The following FBXO7 variants were observed in gnomAD, a reference collection of about 807,000 sequenced individuals.
FBXO7 encodes the protein F-box only protein 7.
A neutral mutation model predicts 50.2 loss-of-function variants in FBXO7; 31 were observed. The ratio of observed to expected loss-of-function variants is 0.62; its 90% confidence interval spans 0.46 to 0.83. The LOEUF (loss-of-function observed/expected upper bound fraction) is 0.83, where lower values mean the gene tolerates loss of function less well. Among genes scored for constraint, FBXO7 ranks in the 40% least tolerant of loss-of-function variants. The pLI, the probability that FBXO7 is intolerant of heterozygous loss-of-function variation, is 0.00. For synonymous variants in FBXO7, 256 were observed against 253.1 expected, an observed-to-expected ratio of 1.01 and a Z score of -0.11; for missense variants, 667 against 646.6, an observed-to-expected ratio of 1.03 and a Z score of -0.34.
rs1235622407 is a variant in FBXO7, at chr22:32,491,190, T to C, written c.967+9T>C. Reference sequence around the variant, plus strand: ...GGCTTTTACCCGACAAGGTAAGAGATGAAATACTGTCACAATTTAAATGAC... The same window carrying C: ...GGCTTTTACCCGACAAGGTAAGAGACGAAATACTGTCACAATTTAAATGAC... On this transcript the variant is annotated intron_variant, in intron 6 of 8. Transcript: ENST00000266087. 6.5e-7 allele frequency: 1 copy of C among 1,530,160 alleles called. No individual in the cohort carries two copies. The highest frequency in any genetic ancestry group is 1.4e-5 in the African/African-American group (1 of 73,316). The allele number at this position is 1,530,160 out of a possible 1,614,324, so 94.8% of individuals were successfully genotyped here.
chr22:32,487,595 A>G (rs1250815803), intron 4 of FBXO7, 150 bp from the exon 5 acceptor site: 10 of 617,792 alleles, frequency 1.6e-5, no homozygotes, highest in East Asian at 8.6e-5. Flanking sequence ...TGAACTTGCT[A>G]TCAGAGAAAG....
chr22:32,484,123 A>AG lies in FBXO7; in HGVS notation c.645+1dup. ...ATGTTGGAGTCAGGTTACATACCTC[A>AG]GGTAAGTACTGCAAGCAAAACACAG... On this transcript the variant is annotated frameshift_variant and splice_region_variant, in exon 3 of 9. Transcript: ENST00000266087. LOFTEE classifies it high-confidence loss of function. 3 of 1,612,300 alleles carry AG rather than the reference A, an allele frequency of 1.9e-6. No homozygotes were observed. The highest frequency in any genetic ancestry group is 2.5e-6 in the Non-Finnish European group (3 of 1,178,278).
In FBXO7 at chr22:32,474,936, G is replaced by A. The variant is rs901157760; in HGVS notation, c.-67G>A. The stretch of plus-strand genomic sequence containing the variant: ...GTCGTCGCCGTTTGGGGCGGGAGCT[G>A]CTCGGCCCCGCCGCCGTCCCCGTCG... On this transcript the variant is annotated 5_prime_UTR_variant, in exon 1 of 9. Transcript: ENST00000266087. The A allele has an allele frequency of 2.5e-5, 36 of 1,454,420 alleles. No individual in the cohort carries two copies. The highest frequency in any genetic ancestry group is 3.0e-5 in the Non-Finnish European group (33 of 1,096,596). The allele number at this position is 1,454,420 out of a possible 1,614,324, so 90.1% of individuals were successfully genotyped here.
chr22:32,475,617 A>G, intron 1 of FBXO7: 1 of 570,724 alleles, frequency 1.8e-6, no homozygotes, highest in Non-Finnish European at 2.9e-6. Context: ...CCTCAATCCG[A>G]GGCCACCGGT....
At chr22:32,494,097 A>C (rs1323781302) in intron 7 of FBXO7, among the ~76,000 whole-genome samples, 1 of 126,040 alleles carries the variant, frequency 7.9e-6, no homozygotes, top group African/African-American at 3.0e-5. Flanking sequence ...TGGTGGGTAG[A>C]TAGCTCCCTT....
chr22:32,482,018 C>G (rs1327949305), intron 2 of FBXO7, among the ~76,000 whole-genome samples: 1 of 152,082 alleles, frequency 6.6e-6, no homozygotes, highest in African/African-American at 2.4e-5. Flanking sequence ...ATCTCCCTCT[C>G]ATGTACTCAG....
chr22:32,484,120 C>T lies in FBXO7; in HGVS notation c.641C>T (p.Pro214Leu). 1 of 1,612,950 alleles carries T rather than the reference C, an allele frequency of 6.2e-7. No homozygotes were observed. The highest frequency in any genetic ancestry group is 8.5e-7 in the Non-Finnish European group (1 of 1,178,920). Residue 214 changes from proline (P) to leucine (L), a missense_variant, in exon 3 of 9, where the codon CCT (proline) becomes CTT (leucine). Coordinates refer to ENST00000266087, the MANE Select transcript of FBXO7 (RefSeq NM_012179.4). Reference sequence around the variant, plus strand: ...CTCATGTTGGAGTCAGGTTACATACCTCAGGTAAGTACTGCAAGCAAAACA... The same window carrying T: ...CTCATGTTGGAGTCAGGTTACATACTTCAGGTAAGTACTGCAAGCAAAACA... ...HLLMLESGYI[P>L]QGTEAKALSM...
chr22:32,496,701 A>T (rs2057577335), intron 8 of FBXO7, among the ~76,000 whole-genome samples: 1 of 152,224 alleles, frequency 6.6e-6, no homozygotes, highest in South Asian at 2.1e-4. Flanking sequence ...GCTCTGATGG[A>T]GATGTTCAAG....
intron 1 of FBXO7, 189 bp downstream of exon 1, chr22:32,475,313 A>G (rs369091059): frequency 6.2e-7 from 1 of 1,607,580 alleles, no homozygotes. Context: ...CGGAGGGTGC[A>G]GGCGACGGGA....
In FBXO7 at chr22:32,475,152, C is replaced by G. The variant is rs899746578; in HGVS notation, c.122+28C>G. On this transcript the variant is annotated intron_variant, in intron 1 of 8. Transcript: ENST00000266087. Reference sequence around the variant, plus strand: ...ACGCTGGGGCCGGGGCTGGGCGGCCCGCGGGGAGTGGGGAGTGCTTGGGGT... The same window carrying G: ...ACGCTGGGGCCGGGGCTGGGCGGCCGGCGGGGAGTGGGGAGTGCTTGGGGT... 2.6e-6 allele frequency: 4 copies of G among 1,516,568 alleles called. No individual in the cohort carries two copies. The African/African-American group carries it at 5.7e-5, about 21-fold the overall frequency. The allele number at this position is 1,516,568 out of a possible 1,614,324, so 93.9% of individuals were successfully genotyped here.
At chr22:32,493,059 G>A (rs1568978677) in intron 6 of FBXO7, 46 bp from the exon 7 acceptor site, 1 of 1,581,800 alleles carries the variant, frequency 6.3e-7, no homozygotes, top group Non-Finnish European at 8.7e-7. Context: ...AAAGCCAGAT[G>A]TTCTTTACTC....
At chr22:32,485,928 T>C (rs1393530323) in intron 4 of FBXO7, among the ~76,000 whole-genome samples, 1 of 152,222 alleles carries the variant, frequency 6.6e-6, no homozygotes, top group African/African-American at 2.4e-5. Flanking sequence ...CTTTCATTTT[T>C]GTTCTGTTTT....
intron 2 of FBXO7, among the ~76,000 whole-genome samples, chr22:32,480,718 G>C (rs2057459258): frequency 6.6e-6 from 1 of 151,104 alleles, no homozygotes; most frequent in Non-Finnish European, 1.5e-5. Context: ...CACCCAGGCT[G>C]GAGTGCAGTG....
Position 32,479,114 on chromosome 22 carries a change from A to G in FBXO7, c.256A>G (p.Asn86Asp), listed in dbSNP as rs759929611. The change falls in exon 2 of 9, where the codon AAT (asparagine) becomes GAT (aspartate). Residue 86 changes from asparagine to aspartate, a missense_variant. Asn to Asp is a conservative substitution (Grantham distance 23, BLOSUM62 1). Transcript: ENST00000266087. ...LILQDDIPAP[N>D]IPSSTDSEHS... ...TCTTCAAGATGACATTCCAGCGCCT[A>G]ATATACCTTCATCCACAGATTCAGA... 6.0e-5 allele frequency: 97 copies of G among 1,614,066 alleles called. No individual in the cohort carries two copies. The highest frequency in any genetic ancestry group is 1.0e-4 in the Admixed American group (6 of 60,002).
intron 1 of FBXO7, 181 bp downstream of exon 1, chr22:32,475,305 G>A: frequency 1.2e-6 from 2 of 1,604,098 alleles, no homozygotes; most frequent in Non-Finnish European, 1.7e-6. Context: ...CGCGGAGCCG[G>A]AGGGTGCAGG....
chr22:32,482,660 T>A (rs1476532575), intron 2 of FBXO7, among the ~76,000 whole-genome samples: 4 of 152,262 alleles, frequency 2.6e-5, no homozygotes, highest in African/African-American at 9.6e-5. Context: ...AGGCGATACC[T>A]GCCATGCCTA....
intron 1 of FBXO7, among the ~76,000 whole-genome samples, chr22:32,476,919 TGGTATATTTATTAAGCG>T (rs1568970991): frequency 6.6e-6 from 1 of 152,190 alleles, no homozygotes; most frequent in Non-Finnish European, 1.5e-5. Flanking sequence ...GAGGAAGAGC[TGGTATATTTATTAAGCG>T]GACCATGACC....
At chr22:32,481,768 C>T (rs971929128) in intron 2 of FBXO7, among the ~76,000 whole-genome samples, 4 of 152,116 alleles carry the variant, frequency 2.6e-5, no homozygotes, top group African/African-American at 4.8e-5. Context: ...TAATGAGAAA[C>T]GGGTAGCAGG....
At chr22:32,487,298 C>T in intron 4 of FBXO7, 1 of 167,334 alleles carries the variant, frequency 6.0e-6, no homozygotes, top group Non-Finnish European at 1.3e-5. Context: ...TATATTTATC[C>T]TTTGGGTCTG....
Sources: allele counts gnomAD v4.1 joint callset (sites outside exome capture counted in the v4.1 genomes callset), GRCh38; gene constraint gnomAD v4.1.1; transcripts MANE v1.5; gene names NCBI Gene and HGNC (gene_info 2026-07-23, HGNC 2026-07-21).